The following MAPK9 variants were observed in gnomAD, a reference collection of about 807,000 sequenced individuals.
The protein encoded by MAPK9 is mitogen-activated protein kinase 9.
A neutral mutation model predicts 57.1 loss-of-function variants in MAPK9; 30 were observed. The observed-to-expected ratio is 0.53, with a 90% CI of 0.39 to 0.71. MAPK9 has a LOEUF of 0.71. MAPK9 is among the 30% of genes least tolerant of loss of function. The pLI, the probability that MAPK9 is intolerant of heterozygous loss-of-function variation, is 0.00. For missense variants in MAPK9, 362 were observed against 521.0 expected (o/e 0.69, Z 2.97); for synonymous variants, 155 against 177.0 (o/e 0.88, Z 0.99).
intron 6 of MAPK9, among the ~76,000 whole-genome samples, chr5:180,248,235 T>G (rs961196863): frequency 6.6e-6 from 1 of 152,240 alleles, no homozygotes; most frequent in Non-Finnish European, 1.5e-5. Context: ...CTAAGTGCCC[T>G]GCTGGCGGGC....
intron 10 of MAPK9, among the ~76,000 whole-genome samples, chr5:180,238,919 C>T (rs1465611384): frequency 6.6e-6 from 1 of 152,144 alleles, no homozygotes; most frequent in East Asian, 1.9e-4. Context: ...TACATTACAT[C>T]TTTTTCAATG....
intron 1 of MAPK9, among the ~76,000 whole-genome samples, chr5:180,283,456 C>A (rs546719018): frequency 6.6e-6 from 1 of 152,230 alleles, no homozygotes; most frequent in Non-Finnish European, 1.5e-5. Context: ...AGCCACCCCC[C>A]ATTCAGGACC....
chr5:180,248,786 AAG>A (rs759670885), intron 6 of MAPK9, among the ~76,000 whole-genome samples, 185 bp downstream of exon 6: 45 of 152,384 alleles, frequency 3.0e-4, no homozygotes, highest in Non-Finnish European at 5.7e-4. Context: ...GAATTTTTAA[AAG>A]AGAATGATTT....
At position 180,247,369 on chromosome 5, in the gene MAPK9, G is replaced by A; in HGVS notation, c.688+70C>T. ...CGACTTTGTCCTCGTGAGCGCTCGT[G>A]TAAGCAGGTGGTCATGCTGCCTGAG... On this transcript the variant is annotated intron_variant, in intron 7 of 11. Coordinates refer to ENST00000452135, the MANE Select transcript of MAPK9 (RefSeq NM_002752.5). This position sits in a 1 kb window ranked among gnomAD's most constrained non-coding sequence, Gnocchi z 4.5. The A allele has an allele frequency of 1.3e-6, 2 of 1,579,920 alleles. No homozygotes were observed. The highest frequency in any genetic ancestry group is 1.7e-6 in the Non-Finnish European group (2 of 1,148,898).
intron 1 of MAPK9, among the ~76,000 whole-genome samples, chr5:180,283,028 C>T (rs1262454713): frequency 6.6e-6 from 1 of 152,098 alleles, no homozygotes; most frequent in Non-Finnish European, 1.5e-5. Flanking sequence ...CCAGAAGCCA[C>T]GCAGAGCCGT....
chr5:180,262,735 C>G (rs1259454186), intron 4 of MAPK9, among the ~76,000 whole-genome samples: 1 of 152,158 alleles, frequency 6.6e-6, no homozygotes, highest in East Asian at 1.9e-4. Context: ...CTGCACTCAG[C>G]CTTCTCCCAT....
At chr5:180,268,700 G>T (rs925059351) in intron 3 of MAPK9, among the ~76,000 whole-genome samples, 5 of 152,104 alleles carry the variant, frequency 3.3e-5, no homozygotes, top group Non-Finnish European at 7.4e-5. Flanking sequence ...GGTGGCGGGC[G>T]CCTGTAGTCC....
At chr5:180,256,203 C>T (rs867727448) in intron 5 of MAPK9, among the ~76,000 whole-genome samples, 15 of 152,188 alleles carry the variant, frequency 9.9e-5, no homozygotes, top group African/African-American at 3.6e-4. Flanking sequence ...AAAGTATATA[C>T]TTCGGTGGGA....
intron 6 of MAPK9, 26 bp downstream of exon 6, chr5:180,248,947 C>A (rs1758396244): frequency 2.5e-6 from 4 of 1,571,280 alleles, no homozygotes; most frequent in African/African-American, 2.7e-5. Context: ...AACATCCCAG[C>A]CTCTTCCAGC....
chr5:180,243,062 G>T (rs2127577487), intron 7 of MAPK9, among the ~76,000 whole-genome samples: 1 of 152,284 alleles, frequency 6.6e-6, no homozygotes, highest in Non-Finnish European at 1.5e-5. Context: ...TAGCAAAAAT[G>T]ATTAAACACG....
At chr5:180,267,949 G>T (rs566847979) in intron 3 of MAPK9, among the ~76,000 whole-genome samples, 1 of 152,088 alleles carries the variant, frequency 6.6e-6, no homozygotes, top group South Asian at 2.1e-4. Context: ...TGCAAGCTCT[G>T]CCTCCCGGGT....
chr5:180,242,952 C>G (rs1302475687), intron 7 of MAPK9, 197 bp from the exon 8 acceptor site: 1 of 463,774 alleles, frequency 2.2e-6, no homozygotes, highest in African/African-American at 1.9e-5. Context: ...TCTGCATCTT[C>G]ATAAACTATG....
rs1002991956 is a variant in MAPK9, at chr5:180,233,843, G to T, written c.*2541C>A. ...GCACCCGCTCCGTGTTTCAGACACG[G>T]ACTTGGGGTGGGCAAGGGGCCCTGT... On this transcript the variant is annotated 3_prime_UTR_variant, in exon 12 of 12. Transcript: ENST00000452135. The T allele has an allele frequency of 1.3e-5, 2 of 152,238 alleles. No homozygotes were observed. The highest frequency in any genetic ancestry group is 2.9e-5 in the Non-Finnish European group (2 of 68,062). The allele number at this position is 152,238 out of a possible 1,614,324, so 9.4% of individuals were successfully genotyped here.
intron 5 of MAPK9, among the ~76,000 whole-genome samples, chr5:180,250,519 A>G (rs1407615459): frequency 6.6e-6 from 1 of 152,130 alleles, no homozygotes; most frequent in Non-Finnish European, 1.5e-5. Context: ...GTTCAGTAGC[A>G]CTGCCTAGCA....
Position 180,239,921 on chromosome 5 carries a change from T to C in MAPK9, c.1060+3A>G, listed in dbSNP as rs1481388099. 1.2e-6 allele frequency: 2 copies of C among 1,612,698 alleles called. No homozygotes were observed. Among genetic ancestry groups the C allele is most frequent in the African/African-American group, 1.3e-5 (1 of 75,030 alleles). On this transcript the variant is annotated splice_donor_region_variant and intron_variant, in intron 10 of 11. Coordinates refer to ENST00000452135, the MANE Select transcript of MAPK9 (RefSeq NM_002752.5). ...GAAGGATCAAAATAAGCTCCATCTTTACCTTTCCATTCTTCAATTGCATGT... is the reference window on the plus strand; with the variant it reads ...GAAGGATCAAAATAAGCTCCATCTTCACCTTTCCATTCTTCAATTGCATGT...
intron 2 of MAPK9, among the ~76,000 whole-genome samples, chr5:180,274,530 G>A (rs966005339): frequency 4.6e-5 from 7 of 152,168 alleles, no homozygotes; most frequent in South Asian, 4.1e-4. Flanking sequence ...AGACAGCAGC[G>A]CCTGACTGAA....
chr5:180,268,950 T>C (rs949109107), intron 3 of MAPK9, among the ~76,000 whole-genome samples: 1 of 150,684 alleles, frequency 6.6e-6, no homozygotes, highest in South Asian at 2.1e-4. Context: ...CCATCCTGAC[T>C]AACATGGTGA....
intron 2 of MAPK9, among the ~76,000 whole-genome samples, chr5:180,275,493 C>A (rs1357953717): frequency 6.6e-6 from 1 of 152,186 alleles, no homozygotes; most frequent in East Asian, 1.9e-4. Flanking sequence ...TGTCTCCTAG[C>A]CACAGGGCAG....
intron 7 of MAPK9, chr5:180,243,006 C>A (rs1323082278): frequency 2.7e-6 from 1 of 369,552 alleles, no homozygotes; most frequent in East Asian, 4.0e-5. Context: ...ACACACCTTC[C>A]CACTCTAGTT....
Sources: gnomAD v4.1 joint callset for allele counts (sites outside exome capture counted in the v4.1 genomes callset) on GRCh38, gnomAD v4.1.1 for gene constraint, Gnocchi (gnomAD v3.1) non-coding constraint, MANE v1.5 for transcripts, NCBI Gene and HGNC (gene_info 2026-07-23, HGNC 2026-07-21) for gene names.